The following POSTN variants were observed in gnomAD, a reference collection of about 807,000 sequenced individuals.
POSTN encodes the protein osteoblast specific factor 2 (fasciclin I-like).
POSTN carries 71 observed loss-of-function variants against 104.5 expected under a neutral mutation model. The ratio of observed to expected loss-of-function variants is 0.68; its 90% CI spans 0.56 to 0.83. The LOEUF (loss-of-function observed/expected upper bound fraction) is 0.83. Among genes scored for constraint, POSTN ranks in the 40% least tolerant of loss-of-function variants. The probability of loss-of-function intolerance (pLI) is 0.00; values close to 1 mark genes in which losing one functional copy is unlikely to be tolerated. For missense variants in POSTN, 949 were observed against 1,006.8 expected (o/e 0.94, Z 0.78); for synonymous variants, 355 against 340.7 (o/e 1.04, Z -0.46).
rs769737001 is a variant in POSTN at position 37,584,018 on chromosome 13, C to T, written c.1194G>A (p.Arg398=). The T allele has an allele frequency of 1.2e-6, 2 of 1,613,818 alleles. No individual in the cohort carries two copies. The highest frequency in any genetic ancestry group is 1.7e-5 in the Admixed American group (1 of 59,946). Residue 398 remains arginine (R), a synonymous_variant, in exon 9 of 23, where the codon AGG becomes AGA. Coordinates refer to ENST00000379747, the MANE Select transcript of POSTN (RefSeq NM_006475.3). ...CCAGCAAAGTGTATTCTCCATCTGG[C>T]CTCAGAGCAGATGCCAAGCCTAATT... is the stretch of plus-strand genomic sequence containing the variant. ...VAQLGLASAL[R]PDGEYTLLAP... is the part of the protein sequence containing the mutation.
At position 37,574,652 on chromosome 13, in the gene POSTN, GC is replaced by G; in HGVS notation, c.2009-1del. On this transcript the variant is annotated splice_acceptor_variant, in intron 16 of 22. Transcript: ENST00000379747. LOFTEE classifies it high-confidence loss of function. ...CACAACTTTGGTTATAATTTTAGTT[GC>G]TGAAAGTATAGAAAGTGGAACATGA... 1 of 1,589,354 alleles carries G rather than the reference GC, an allele frequency of 6.3e-7. No homozygotes were observed. Among genetic ancestry groups the G allele is most frequent in the South Asian group, 1.2e-5 (1 of 86,230 alleles).
At position 37,584,808 on chromosome 13, in the gene POSTN, G is replaced by C; in HGVS notation, c.1016C>G (p.Thr339Arg). 1 of 1,613,814 alleles carries C rather than the reference G, an allele frequency of 6.2e-7. No homozygotes were observed. Among genetic ancestry groups the C allele is most frequent in the Non-Finnish European group, 8.5e-7 (1 of 1,179,882 alleles). The change falls in exon 8 of 23, where the codon ACA becomes AGA. Residue 339 changes from threonine to arginine, a missense_variant. Transcript: ENST00000379747. ...IEIGCDGDSI[T>R]VNGIKMVNKK... ...GTTCACCATTTTGATTCCATTTACT[G>C]TTATACTGTCACCGTCACATCCTAT... is the stretch of plus-strand genomic sequence containing the variant.
At position 37,563,421 on chromosome 13, in the gene POSTN, A is replaced by C. The variant is rs1196779380; in HGVS notation, c.2474-51T>G. On this transcript the variant is annotated intron_variant, in intron 22 of 22. Coordinates refer to ENST00000379747, the MANE Select transcript of POSTN (RefSeq NM_006475.3). ...TAGACTGTAAATGTTAGGAAATTTT[A>C]AAATTTAAGAATATATTATTCTCTG... The C allele has an allele frequency of 2.4e-6, 3 of 1,250,518 alleles. No individual in the cohort carries two copies. In the East Asian group the frequency reaches 7.3e-5, roughly 30 times the overall value. 77.5% of individuals were successfully genotyped at this position (1,250,518 alleles called of 1,614,324 possible).
At chr13:37,565,415 C>T (rs891048761) in intron 21 of POSTN, 10 of 151,668 alleles carry the variant, frequency 6.6e-5, no homozygotes, top group African/African-American at 2.2e-4. Flanking sequence ...ATTTTTTCTC[C>T]AAATTTTGAC....
intron 9 of POSTN, among the ~76,000 whole-genome samples, chr13:37,583,011 T>G (rs1010339098): frequency 8.5e-5 from 13 of 152,304 alleles, no homozygotes; most frequent in African/African-American, 3.1e-4. Context: ...GAATTCAATT[T>G]TTTTGATTAA....
chr13:37,590,392 C>T lies in POSTN; in HGVS notation c.421G>A (p.Ala141Thr). 2 of 1,588,036 alleles carry T rather than the reference C, an allele frequency of 1.3e-6. No individual in the cohort carries two copies. The highest frequency in any genetic ancestry group is 2.3e-5 in the East Asian group (1 of 44,134). The stretch of plus-strand genomic sequence containing the variant: ...ATTACAGAATCCAAGTTGTCCCAAG[C>T]CTCATTACTCGGTGCAAAGTAAGTG... Reference protein sequence around the residue: ...SFTYFAPSNEAWDNLDSDIRR... With the variant: ...SFTYFAPSNETWDNLDSDIRR... The change falls in exon 4 of 23, where the codon GCT (alanine) becomes ACT (threonine). Residue 141 changes from alanine (A) to threonine (T), a missense_variant. Ala to Thr is a moderately conservative substitution (Grantham distance 58, BLOSUM62 0). Transcript: ENST00000379747.
At chr13:37,588,291 A>G (rs1950816322) in intron 4 of POSTN, among the ~76,000 whole-genome samples, 1 of 152,178 alleles carries the variant, frequency 6.6e-6, no homozygotes, top group Non-Finnish European at 1.5e-5. Context: ...ATATGAAATT[A>G]TCACATATTT....
intron 17 of POSTN, among the ~76,000 whole-genome samples, chr13:37,571,944 G>GT (rs1950273153): frequency 6.6e-6 from 1 of 151,480 alleles, no homozygotes; most frequent in Non-Finnish European, 1.5e-5. Flanking sequence ...GTGAACATAA[G>GT]AAAGTACCAA....
intron 17 of POSTN, among the ~76,000 whole-genome samples, chr13:37,572,263 G>C (rs1288904653): frequency 2.0e-5 from 3 of 151,508 alleles, no homozygotes; most frequent in African/African-American, 7.3e-5. Flanking sequence ...TGCAACTGTT[G>C]CTTGCTTATC....
chr13:37,563,289 T>C lies in POSTN; in HGVS notation c.*44A>G. 7.0e-7 allele frequency: 1 copy of C among 1,431,380 alleles called. No homozygotes were observed. Among genetic ancestry groups the C allele is most frequent in the Non-Finnish European group, 9.6e-7 (1 of 1,038,088 alleles). 88.7% of individuals were successfully genotyped at this position (1,431,380 alleles called of 1,614,324 possible). A position where few individuals can be genotyped will look rare whatever the true frequency, so the allele number is the denominator to read the frequency against. On this transcript the variant is annotated 3_prime_UTR_variant, in exon 23 of 23. Coordinates refer to ENST00000379747, the MANE Select transcript of POSTN (RefSeq NM_006475.3). ...CTCACAATTTTCTAAGGTCAGGTTA[T>C]TGACTTAGGGTTGTATAAACATTTT...
At chr13:37,574,759 A>C (rs1950358931) in intron 16 of POSTN, 107 bp from the exon 17 acceptor site, 1 of 1,338,162 alleles carries the variant, frequency 7.5e-7, no homozygotes. Context: ...ACTAAGGCAC[A>C]GGATGTGGTA....
chr13:37,580,496 C>T lies in POSTN; in HGVS notation c.1529+65G>A, dbSNP rs947682724. 7.0e-6 allele frequency: 11 copies of T among 1,571,020 alleles called. No individual in the cohort carries two copies. The East Asian group carries it at 1.8e-4, about 26-fold the overall frequency. On this transcript the variant is annotated intron_variant, in intron 11 of 22. Coordinates refer to ENST00000379747, the MANE Select transcript of POSTN (RefSeq NM_006475.3). ...GGAGACTGAATGCCTTTTGGGATACCGCCTATGAAACAAAAATATGCCAAT... is the reference window on the plus strand; with the variant it reads ...GGAGACTGAATGCCTTTTGGGATACTGCCTATGAAACAAAAATATGCCAAT...
chr13:37,589,481 A>C (rs942878926), intron 4 of POSTN, among the ~76,000 whole-genome samples: 1 of 152,014 alleles, frequency 6.6e-6, no homozygotes, highest in Non-Finnish European at 1.5e-5. Flanking sequence ...TATATCTCCT[A>C]ATGCTATCCC....
At chr13:37,564,209 TA>T (rs1566536745) in intron 22 of POSTN, among the ~76,000 whole-genome samples, 1 of 128,348 alleles carries the variant, frequency 7.8e-6, no homozygotes. Context: ...TATATATATA[TA>T]TATATATATA....
At chr13:37,574,875 G>T (rs1339890532) in intron 16 of POSTN, among the ~76,000 whole-genome samples, 1 of 151,830 alleles carries the variant, frequency 6.6e-6, no homozygotes, top group Non-Finnish European at 1.5e-5. Flanking sequence ...ATTTGATCTA[G>T]TGAAATATAT....
chr13:37,587,036 C>T, intron 5 of POSTN, 108 bp from the exon 6 acceptor site: 1 of 884,838 alleles, frequency 1.1e-6, no homozygotes, highest in Non-Finnish European at 1.8e-6. Flanking sequence ...ATGTAACATA[C>T]AGGAAACTAC....
chr13:37,582,361 C>T lies in POSTN; in HGVS notation c.1392+5G>A, dbSNP rs779749397. The T allele has an allele frequency of 8.8e-6, 14 of 1,598,048 alleles. No homozygotes were observed. The East Asian group carries it at 2.9e-4, about 33-fold the overall frequency. On this transcript the variant is annotated splice_donor_5th_base_variant and intron_variant, in intron 10 of 22. Transcript: ENST00000379747. ...AGACTTTTTATTTTGTTGTGATTCA[C>T]TTACTGTACGATATACGAAGACTCT... is the stretch of plus-strand genomic sequence containing the variant.
In POSTN at chr13:37,574,481, T is replaced by C. The variant is rs1245027526; in HGVS notation, c.2089+91A>G. 2.8e-6 allele frequency: 4 copies of C among 1,432,810 alleles called. No individual in the cohort carries two copies. In the Admixed American group the frequency reaches 1.4e-4, roughly 49 times the overall value. The allele number at this position is 1,432,810 out of a possible 1,614,324, so 88.8% of individuals were successfully genotyped here. ...GGTTATATAACATTTAACATGTTAG[T>C]TTTTAAAAGAATGTAGATACATTCA... On this transcript the variant is annotated intron_variant, in intron 17 of 22. Coordinates refer to ENST00000379747, the MANE Select transcript of POSTN (RefSeq NM_006475.3).
In POSTN at chr13:37,580,630, A is replaced by T. The variant is rs768625498; in HGVS notation, c.1460T>A (p.Ile487Lys). ...TGCTGGCTTGATGATCTCGCGGAAT[A>T]TGTGAATCGCACCGTTTCTCCCTTG... The part of the protein sequence containing the change: ...SKQGRNGAIH[I>K]FREIIKPAEK... Residue 487 changes from isoleucine (I) to lysine (K), a missense_variant, in exon 11 of 23, where the codon ATA becomes AAA. Transcript: ENST00000379747. 13 of 1,614,086 alleles carry T rather than the reference A, an allele frequency of 8.1e-6. No individual in the cohort carries two copies. In the Admixed American group the frequency reaches 2.0e-4, roughly 25 times the overall value.
Sources: allele counts gnomAD v4.1 joint callset (sites outside exome capture counted in the v4.1 genomes callset), GRCh38; gene constraint gnomAD v4.1.1; transcripts MANE v1.5; gene names NCBI Gene and HGNC (gene_info 2026-07-23, HGNC 2026-07-21).